FRMD4A: variants seen among roughly 807,000 people sequenced by gnomAD.
FRMD4A encodes FERM domain containing 4A.
FRMD4A carries 29 observed loss-of-function variants against 129.1 expected under a neutral mutation model. The observed-to-expected ratio is 0.22, with a 90% confidence interval of 0.17 to 0.31. The LOEUF (loss-of-function observed/expected upper bound fraction) is 0.31, where lower values mean the gene tolerates loss of function less well. FRMD4A is among the 10% of genes least tolerant of loss of function. FRMD4A has a pLI of 1.00. For synonymous variants in FRMD4A, 634 were observed against 571.6 expected (o/e 1.11, Z -1.56); for missense variants, 1,272 against 1,375.8 (o/e 0.92, Z 1.19).
Position 13,659,402 on chromosome 10 carries a change from G to A in FRMD4A, c.1987C>T (p.Pro663Ser), listed in dbSNP as rs140711494. 6 of 1,614,108 alleles carry A rather than the reference G, an allele frequency of 3.7e-6. No individual in the cohort carries two copies. In the Admixed American group the frequency reaches 6.7e-5, roughly 18 times the overall value. Reference protein sequence around the residue: ...SLQNSPIRGLPHWNSQSSMPS... With the variant: ...SLQNSPIRGLSHWNSQSSMPS... ...ATGCTGGACTGGGAGTTCCAGTGCG[G>A]GAGGCCGCGGATGGGGCTGTTCTGC... Residue 663 changes from proline (P) to serine (S), a missense_variant, in exon 21 of 25, where the codon CCG becomes TCG. By Grantham distance (74) the Pro-to-Ser change is moderately conservative. Around this residue, in one of 2 missense-constraint regions of FRMD4A, gnomAD observed 972 missense variants for 892.3 expected, o/e 1.09. Coordinates refer to ENST00000357447, the MANE Select transcript of FRMD4A (RefSeq NM_018027.5).
chr10:13,834,261 C>G (rs1387203133), intron 3 of FRMD4A, among the ~76,000 whole-genome samples: 1 of 152,052 alleles, frequency 6.6e-6, no homozygotes, highest in African/African-American at 2.4e-5. Context: ...AAGACTCCAT[C>G]TCAGAAAACA....
rs1218350 is a variant in FRMD4A, at chr10:14,275,773, T to A, written c.45+54285A>T. ...ATGGTGAGTGGCCGGGAGTGGCAGC[T>A]CACATCTGTAATCCCAGAACTTTGG... On this transcript the variant is annotated intron_variant, in intron 2 of 24. Transcript: ENST00000357447. Among the ~76,000 whole-genome samples, 6 of 152,048 alleles carry A rather than the reference T, an allele frequency of 3.9e-5. No homozygotes were observed. The East Asian group carries it at 1.2e-3, about 29-fold the overall frequency.
chr10:13,796,473 G>A, intron 5 of FRMD4A, 23 bp downstream of exon 5: 1 of 1,157,438 alleles, frequency 8.6e-7, no homozygotes, highest in Non-Finnish European at 1.3e-6. Context: ...AGAAGCAAAA[G>A]TATAGACACC....
At chr10:14,219,107 C>T (rs1291494181) in intron 2 of FRMD4A, among the ~76,000 whole-genome samples, 2 of 151,684 alleles carry the variant, frequency 1.3e-5, no homozygotes, top group Non-Finnish European at 2.9e-5. Flanking sequence ...GTGAGAAAGC[C>T]AGATACACAA....
At chr10:13,866,302 C>G in intron 2 of FRMD4A, 1 of 980,884 alleles carries the variant, frequency 1.0e-6, no homozygotes, top group African/African-American at 1.7e-5. Flanking sequence ...CCTTAAACCA[C>G]AGGACACCCT....
chr10:13,962,287 C>T (rs962865161), intron 2 of FRMD4A, among the ~76,000 whole-genome samples: 2 of 152,170 alleles, frequency 1.3e-5, no homozygotes, highest in Non-Finnish European at 2.9e-5. Flanking sequence ...TTCTCTGAGC[C>T]TCGTTATGAT....
At chr10:13,696,669 G>A (rs1443303394) in intron 14 of FRMD4A, among the ~76,000 whole-genome samples, 2 of 152,134 alleles carry the variant, frequency 1.3e-5, no homozygotes, top group African/African-American at 2.4e-5. Context: ...GCTTGAACCC[G>A]GGAGGCGGAG....
At chr10:14,193,780 T>G (rs1842392054) in intron 2 of FRMD4A, among the ~76,000 whole-genome samples, 1 of 152,022 alleles carries the variant, frequency 6.6e-6, no homozygotes, top group Admixed American at 6.6e-5. Context: ...AACTCCAGGC[T>G]CCTCTCGCTA....
At chr10:13,693,454 CG>C in intron 15 of FRMD4A, 1 of 1,068,330 alleles carries the variant, frequency 9.4e-7, no homozygotes, top group Non-Finnish European at 1.2e-6. Flanking sequence ...GAGAGTATTC[CG>C]CATTTTTAAA....
chr10:13,929,489 C>G (rs1437220819), intron 2 of FRMD4A, among the ~76,000 whole-genome samples: 2 of 152,154 alleles, frequency 1.3e-5, no homozygotes, highest in African/African-American at 4.8e-5. Flanking sequence ...GCAGTGTTGT[C>G]CCTTCCAGAG....
chr10:13,700,520 C>A (rs115179942), intron 14 of FRMD4A, among the ~76,000 whole-genome samples: 1,599 of 152,298 alleles, frequency 0.01, 29 homozygotes, highest in African/African-American at 0.037. Flanking sequence ...ATTCCCCCAG[C>A]CCAAGCCAGC....
At chr10:14,259,271 T>C (rs1411174) in intron 2 of FRMD4A, among the ~76,000 whole-genome samples, 13,535 of 152,096 alleles carry the variant, frequency 0.089, 1,303 homozygotes, top group African/African-American at 0.24. Flanking sequence ...ATGTAAAAAG[T>C]GGCCTCACAA....
intron 2 of FRMD4A, among the ~76,000 whole-genome samples, chr10:14,031,333 T>C (rs1353044436): frequency 4.0e-5 from 6 of 151,880 alleles, no homozygotes; most frequent in Non-Finnish European, 5.9e-5. Flanking sequence ...AATGGCACAA[T>C]CTCGGCTCAC....
At chr10:13,839,852 C>G (rs533533677) in intron 3 of FRMD4A, among the ~76,000 whole-genome samples, 5 of 152,306 alleles carry the variant, frequency 3.3e-5, no homozygotes, top group Admixed American at 6.5e-5. Context: ...CCCGACTTTC[C>G]CTGGAGAAAC....
At chr10:14,144,251 G>A (rs939798951) in intron 2 of FRMD4A, among the ~76,000 whole-genome samples, 1 of 152,146 alleles carries the variant, frequency 6.6e-6, no homozygotes, top group Non-Finnish European at 1.5e-5. Context: ...ACTCTTGGGA[G>A]CTGCAGCAGT....
At chr10:14,095,694 C>A (rs958738317) in intron 2 of FRMD4A, among the ~76,000 whole-genome samples, 7 of 152,160 alleles carry the variant, frequency 4.6e-5, no homozygotes, top group Non-Finnish European at 2.9e-5. Flanking sequence ...CAATAGGAAG[C>A]AATGAAACAA....
intron 8 of FRMD4A, among the ~76,000 whole-genome samples, chr10:13,761,358 G>A (rs548792465): frequency 3.9e-5 from 6 of 152,310 alleles, no homozygotes; most frequent in Admixed American, 2.6e-4. Flanking sequence ...CGAGACATTT[G>A]AGCAGCCTGT....
intron 2 of FRMD4A, among the ~76,000 whole-genome samples, chr10:14,282,017 T>C (rs760272598): frequency 6.6e-5 from 10 of 152,038 alleles, no homozygotes; most frequent in Non-Finnish European, 1.2e-4. Context: ...ACAATCATGG[T>C]GGAAGGTAAA....
chr10:13,805,435 T>TC (rs397954339), intron 4 of FRMD4A, among the ~76,000 whole-genome samples: 1 of 151,632 alleles, frequency 6.6e-6, no homozygotes. Context: ...GCTTTTTTTT[T>TC]CTTAAAAAAA....
Sources: allele counts gnomAD v4.1 joint callset (sites outside exome capture counted in the v4.1 genomes callset), GRCh38; gene constraint gnomAD v4.1.1; regional missense constraint gnomAD v4.1.1; transcripts MANE v1.5; gene names NCBI Gene and HGNC (gene_info 2026-07-23, HGNC 2026-07-21).